MUCL1: variants seen among roughly 807,000 people sequenced by gnomAD.
The protein encoded by MUCL1 is mucin like 1, also known as mucin-like protein 1.
In MUCL1, 11 loss-of-function variants were observed where a neutral mutation model predicts 9.2. The ratio of observed to expected loss-of-function variants is 1.19; its 90% confidence interval spans 0.75 to 1.97. MUCL1 has a LOEUF of 1.97. Among genes scored for constraint, MUCL1 ranks in the 30% most tolerant of loss-of-function variants. The probability of loss-of-function intolerance (pLI) is 0.00; values close to 1 mark genes in which losing one functional copy is unlikely to be tolerated. For synonymous variants in MUCL1, 48 were observed against 40.5 expected (o/e 1.19, Z -0.71); for missense variants, 144 against 110.9 (o/e 1.30, Z -1.34).
chr12:54,830,841 A>C (rs1384145792), exon 1 of MUCL1: 4 of 152,040 alleles, frequency 2.6e-5, no homozygotes, highest in Non-Finnish European at 4.4e-5. Flanking sequence ...CAGAAAAAAA[A>C]CTTTGGAAAC....
intron 2 of MUCL1, chr12:54,855,406 G>GT (rs1868291452): frequency 6.4e-6 from 3 of 467,448 alleles, no homozygotes; most frequent in Non-Finnish European, 1.2e-5. Context: ...ATTATTCATT[G>GT]TTTTCCAGCA....
intron 1 of MUCL1, among the ~76,000 whole-genome samples, chr12:54,844,445 T>G (rs1489949842): frequency 6.6e-6 from 1 of 152,172 alleles, no homozygotes; most frequent in Non-Finnish European, 1.5e-5. Context: ...TAAGACAGCC[T>G]AAGGATCTGG....
upstream of MUCL1, among the ~76,000 whole-genome samples, chr12:54,850,364 G>A (rs568335552): frequency 8.3e-4 from 111 of 133,988 alleles, 1 homozygote; most frequent in Non-Finnish European, 1.3e-3. Context: ...CTGTGTCCAC[G>A]TGTTCTCATT....
At position 54,858,221 on chromosome 12, in the gene MUCL1, G is replaced by T. The variant is rs138235110; in HGVS notation, c.252G>T (p.Pro84=). Residue 84 remains proline (P), a synonymous_variant, in exon 4 of 4, where the codon CCG becomes CCT. Coordinates refer to ENST00000308796, the MANE Select transcript of MUCL1 (RefSeq NM_058173.3). ...TACCCAAATGGGTTGGGGATCTCCC[G>T]AATGGTAGAGTGTGTCCCTGAGATG... ...PVLPKWVGDL[P]NGRVCP 1 of 1,613,452 alleles carries T rather than the reference G, an allele frequency of 6.2e-7. No individual in the cohort carries two copies. Among genetic ancestry groups the T allele is most frequent in the South Asian group, 1.1e-5 (1 of 91,060 alleles).
chr12:54,854,753 T>C, intron 1 of MUCL1, 113 bp downstream of exon 1: 1 of 876,342 alleles, frequency 1.1e-6, no homozygotes. Context: ...CTCTCCTAAC[T>C]TGTTCTATCA....
At chr12:54,850,033 C>T (rs915971544), upstream of MUCL1, among the ~76,000 whole-genome samples, 3 of 152,316 alleles carry the variant, frequency 2.0e-5, no homozygotes, top group Admixed American at 2.0e-4. Flanking sequence ...TGTTCTCTGC[C>T]ACCCAGAGGG....
chr12:54,842,450 C>T (rs555294639), intron 1 of MUCL1, among the ~76,000 whole-genome samples: 6 of 152,142 alleles, frequency 3.9e-5, no homozygotes, highest in South Asian at 2.1e-4. Flanking sequence ...TGGGGGATTG[C>T]TAAATCAAGT....
At chr12:54,847,690 G>A (rs753780799) in intron 1 of MUCL1, among the ~76,000 whole-genome samples, 2 of 152,104 alleles carry the variant, frequency 1.3e-5, no homozygotes, top group Non-Finnish European at 1.5e-5. Context: ...GCAATAATGG[G>A]TATTATGATA....
chr12:54,856,117 T>A (rs539590937), intron 2 of MUCL1, among the ~76,000 whole-genome samples: 10 of 48,258 alleles, frequency 2.1e-4, no homozygotes, highest in Admixed American at 6.2e-4. Context: ...AATGGGGAAT[T>A]TTTTTACTAT....
upstream of MUCL1, among the ~76,000 whole-genome samples, chr12:54,836,919 G>A (rs192157216): frequency 6.6e-6 from 1 of 152,124 alleles, no homozygotes; most frequent in East Asian, 1.9e-4. Flanking sequence ...TTTATTTTTA[G>A]TTTAATTCCA....
chr12:54,839,744 G>A (rs1400235010), intron 1 of MUCL1, among the ~76,000 whole-genome samples: 2 of 152,156 alleles, frequency 1.3e-5, no homozygotes, highest in Non-Finnish European at 2.9e-5. Context: ...CTCCTTGTGT[G>A]GGGATGTAGT....
chr12:54,852,828 G>GTCTT (rs1868265346), upstream of MUCL1, among the ~76,000 whole-genome samples: 1 of 152,070 alleles, frequency 6.6e-6, no homozygotes, highest in Non-Finnish European at 1.5e-5. Context: ...TGTCTTTTAA[G>GTCTT]TCTTCCTTCC....
chr12:54,850,905 G>A (rs1278082962), upstream of MUCL1, among the ~76,000 whole-genome samples: 1 of 152,148 alleles, frequency 6.6e-6, no homozygotes, highest in Non-Finnish European at 1.5e-5. Context: ...TTTCTCTGAT[G>A]GCCAGTGATG....
intron 1 of MUCL1, among the ~76,000 whole-genome samples, chr12:54,833,972 A>T (rs200314570): frequency 1.7e-5 from 1 of 59,318 alleles, no homozygotes; most frequent in Admixed American, 2.4e-4. Flanking sequence ...AAAGTATAAT[A>T]AAAAAAAGTC....
Position 54,854,619 on chromosome 12 carries a change from T to A in MUCL1, c.37T>A (p.Ser13Thr). 3.7e-6 allele frequency: 6 copies of A among 1,613,526 alleles called. No homozygotes were observed. The highest frequency in any genetic ancestry group is 4.2e-6 in the Non-Finnish European group (5 of 1,179,616). Residue 13 changes from serine to threonine, a missense_variant, in exon 1 of 4, where the codon TCC becomes ACC. Physicochemically the swap from Ser to Thr is moderately conservative, Grantham distance 58. Transcript: ENST00000308796. The stretch of plus-strand genomic sequence containing the variant: ...AGCAGTCCTGGTACTCTTGGGAGTT[T>A]CCATCTTTCTGGTCTCTGCCCGTAA... ...FLAVLVLLGV[S>T]IFLVSAQNPT...
chr12:54,858,280 C>A lies in MUCL1; in HGVS notation c.*38C>A. On this transcript the variant is annotated 3_prime_UTR_variant, in exon 4 of 4. Transcript: ENST00000308796. ...TTGAGTCTTCTGCAATTGGTCACAACTATTCATGCTTCCTGTGATTTCATC... is the reference window on the plus strand; with the variant it reads ...TTGAGTCTTCTGCAATTGGTCACAAATATTCATGCTTCCTGTGATTTCATC... 6.2e-7 allele frequency: 1 copy of A among 1,611,320 alleles called. No individual in the cohort carries two copies. The highest frequency in any genetic ancestry group is 8.5e-7 in the Non-Finnish European group (1 of 1,177,664).
At chr12:54,840,407 T>C (rs1008050535) in intron 1 of MUCL1, among the ~76,000 whole-genome samples, 1 of 152,228 alleles carries the variant, frequency 6.6e-6, no homozygotes, top group Admixed American at 6.5e-5. Context: ...TCCAGAATGC[T>C]GTATTATTCT....
intron 1 of MUCL1, among the ~76,000 whole-genome samples, chr12:54,847,344 A>G (rs1413305320): frequency 2.0e-5 from 3 of 152,212 alleles, no homozygotes; most frequent in African/African-American, 7.2e-5. Flanking sequence ...GGCCGGGCAC[A>G]GTGGCTCACG....
chr12:54,849,512 G>C (rs1464352047), intron 1 of MUCL1, among the ~76,000 whole-genome samples: 2 of 151,862 alleles, frequency 1.3e-5, no homozygotes, highest in Non-Finnish European at 2.9e-5. Context: ...AAGTTTTGGA[G>C]CTATGTCATC....
Sources: allele counts gnomAD v4.1 joint callset (sites outside exome capture counted in the v4.1 genomes callset), GRCh38; gene constraint gnomAD v4.1.1; transcripts MANE v1.5; gene names NCBI Gene and HGNC (gene_info 2026-07-23, HGNC 2026-07-21).